Variants in SLC14A2 observed in about 807,000 individuals in gnomAD.
SLC14A2 encodes the protein urea transporter 2.
A neutral mutation model predicts 104.6 loss-of-function variants in SLC14A2; 91 were observed. The ratio of observed to expected loss-of-function variants is 0.87; its 90% CI spans 0.73 to 1.04. The LOEUF (loss-of-function observed/expected upper bound fraction) is 1.04, where lower values mean the gene tolerates loss of function less well. Ranked by LOEUF, SLC14A2 falls within the 50% of genes least tolerant of loss-of-function variation. SLC14A2 has a pLI of 0.00. For synonymous variants in SLC14A2, 476 were observed against 466.4 expected (o/e 1.02, Z -0.27); for missense variants, 1,189 against 1,156.0 (o/e 1.03, Z -0.41).
chr18:45,498,235 CAAAG>C (rs1182877326), intron 2 of SLC14A2, among the ~76,000 whole-genome samples: 1 of 152,166 alleles, frequency 6.6e-6, no homozygotes, highest in Non-Finnish European at 1.5e-5. Context: ...AAATCAACAA[CAAAG>C]AAAACAATTT....
chr18:45,414,965 A>C (rs1054658876), intron 1 of SLC14A2, among the ~76,000 whole-genome samples: 1 of 151,576 alleles, frequency 6.6e-6, no homozygotes, highest in African/African-American at 2.4e-5. Context: ...GAAAGTCTAC[A>C]TGTTTAACCT....
intron 1 of SLC14A2, among the ~76,000 whole-genome samples, chr18:45,330,270 A>G (rs1161746864): frequency 6.6e-6 from 1 of 152,174 alleles, no homozygotes; most frequent in African/African-American, 2.4e-5. Context: ...ACATCAAGAC[A>G]GCCTCTTTTT....
chr18:45,290,834 T>C (rs2144165995), intron 1 of SLC14A2, among the ~76,000 whole-genome samples: 1 of 152,364 alleles, frequency 6.6e-6, no homozygotes, highest in East Asian at 1.9e-4. Flanking sequence ...GGTTGCATTA[T>C]ATTTCTATGG....
chr18:45,230,638 G>A (rs1169213357), intron 1 of SLC14A2, among the ~76,000 whole-genome samples: 1 of 152,200 alleles, frequency 6.6e-6, no homozygotes, highest in Non-Finnish European at 1.5e-5. Context: ...CATATTAATA[G>A]GTTCTGGAGA....
chr18:45,240,980 C>T (rs1231417184), intron 1 of SLC14A2, among the ~76,000 whole-genome samples: 2 of 152,188 alleles, frequency 1.3e-5, no homozygotes, highest in African/African-American at 4.8e-5. Flanking sequence ...AAAGTGGTAA[C>T]ACTAAGCTTC....
At chr18:45,592,049 G>A (rs1325984557) in intron 2 of SLC14A2, among the ~76,000 whole-genome samples, 1 of 152,180 alleles carries the variant, frequency 6.6e-6, no homozygotes, top group Non-Finnish European at 1.5e-5. Context: ...TGGCAGGGCA[G>A]TAATATATAT....
At chr18:45,337,141 G>A (rs773355529) in intron 1 of SLC14A2, among the ~76,000 whole-genome samples, 1 of 152,298 alleles carries the variant, frequency 6.6e-6, no homozygotes, top group East Asian at 1.9e-4. Flanking sequence ...GTAGCCAGGA[G>A]ACTTTGGCTA....
At chr18:45,536,331 A>T (rs1051158289) in intron 2 of SLC14A2, among the ~76,000 whole-genome samples, 2 of 152,238 alleles carry the variant, frequency 1.3e-5, no homozygotes, top group African/African-American at 4.8e-5. Flanking sequence ...GCTTAAAACA[A>T]CAGAAATTTA....
At chr18:45,531,161 C>T (rs529484761) in intron 2 of SLC14A2, among the ~76,000 whole-genome samples, 24 of 152,202 alleles carry the variant, frequency 1.6e-4, no homozygotes, top group Admixed American at 7.9e-4. Flanking sequence ...AATAAACATA[C>T]GTGTGCATGT....
upstream of SLC14A2, among the ~76,000 whole-genome samples, chr18:45,212,363 G>A (rs1161904164): frequency 6.6e-6 from 1 of 152,158 alleles, no homozygotes; most frequent in Non-Finnish European, 1.5e-5. Context: ...TTTAATCCAA[G>A]CCCTGTAATT....
intron 1 of SLC14A2, among the ~76,000 whole-genome samples, chr18:45,321,405 T>C (rs916693245): frequency 1.3e-5 from 2 of 152,176 alleles, no homozygotes; most frequent in Non-Finnish European, 2.9e-5. Context: ...ACTTGTGACG[T>C]CTTGATTTTT....
intron 1 of SLC14A2, among the ~76,000 whole-genome samples, chr18:45,352,390 T>C (rs558560048): frequency 6.6e-6 from 1 of 152,276 alleles, no homozygotes; most frequent in African/African-American, 2.4e-5. Context: ...CATGACATAG[T>C]CATTTATCCC....
chr18:45,168,177 A>G, the SLC14A2 span, among the ~76,000 whole-genome samples: 1 of 152,204 alleles, frequency 6.6e-6, no homozygotes, highest in Non-Finnish European at 1.5e-5. Context: ...ATCAAGCTTT[A>G]TCTTTCTCAT....
intron 2 of SLC14A2, among the ~76,000 whole-genome samples, chr18:45,569,310 GCT>G (rs988005737): frequency 1.6e-4 from 24 of 152,224 alleles, no homozygotes; most frequent in South Asian, 6.2e-4. Flanking sequence ...GCCTATAAAT[GCT>G]CTCAACTATC....
At chr18:45,504,353 A>G (rs1182998069) in intron 2 of SLC14A2, among the ~76,000 whole-genome samples, 1 of 152,166 alleles carries the variant, frequency 6.6e-6, no homozygotes, top group African/African-American at 2.4e-5. Context: ...CTAATCATAA[A>G]CGGTTTGCTC....
intron 2 of SLC14A2, among the ~76,000 whole-genome samples, chr18:45,567,439 G>A (rs1004712033): frequency 6.6e-6 from 1 of 152,180 alleles, no homozygotes; most frequent in Non-Finnish European, 1.5e-5. Context: ...GCCCAGATCT[G>A]TCTGCTGATT....
intron 1 of SLC14A2, chr18:45,440,507 T>C (rs1354577416): frequency 1.3e-5 from 2 of 152,184 alleles, no homozygotes; most frequent in Admixed American, 6.5e-5. Flanking sequence ...ATCAGCAGTT[T>C]AGTGGAAGGT....
At chr18:45,513,582 G>A (rs754468315) in intron 2 of SLC14A2, among the ~76,000 whole-genome samples, 42 of 152,288 alleles carry the variant, frequency 2.8e-4, no homozygotes, top group African/African-American at 8.9e-4. Context: ...ATAGAAGTTC[G>A]AATGTAGCCC....
At chr18:45,363,659 G>T (rs2085637660) in intron 1 of SLC14A2, among the ~76,000 whole-genome samples, 1 of 152,224 alleles carries the variant, frequency 6.6e-6, no homozygotes, top group South Asian at 2.1e-4. Context: ...GTGCTTAGAA[G>T]TGGAAGATGG....
Sources: gnomAD v4.1 joint callset for allele counts (sites outside exome capture counted in the v4.1 genomes callset) on GRCh38, gnomAD v4.1.1 for gene constraint, MANE v1.5 for transcripts, NCBI Gene and HGNC (gene_info 2026-07-23, HGNC 2026-07-21) for gene names.